Variants in PPP2R5E observed in about 807,000 individuals in gnomAD.
The protein encoded by PPP2R5E is protein phosphatase 2 regulatory subunit B'epsilon.
PPP2R5E carries 4 observed loss-of-function variants against 65.3 expected under a neutral mutation model. That is an observed-to-expected ratio of 0.06 (90% confidence interval 0.03 to 0.14). The LOEUF (loss-of-function observed/expected upper bound fraction) is 0.14, where lower values mean the gene tolerates loss of function less well. Among genes scored for constraint, PPP2R5E ranks in the 10% least tolerant of loss-of-function variants. The probability of loss-of-function intolerance (pLI) is 1.00; values close to 1 mark genes in which losing one functional copy is unlikely to be tolerated. For missense variants in PPP2R5E, 274 were observed against 556.1 expected, an observed-to-expected ratio of 0.49 and a Z score of 5.10; for synonymous variants, 183 against 187.4, an observed-to-expected ratio of 0.98 and a Z score of 0.19.
chr14:63,530,219 T>A (rs58500036), intron 2 of PPP2R5E, among the ~76,000 whole-genome samples: 10,169 of 146,546 alleles, frequency 0.069, 992 homozygotes, highest in African/African-American at 0.23. Flanking sequence ...AGTTAAGAAA[T>A]TTTTCCGTTT....
chr14:63,485,816 A>G (rs946566247), intron 2 of PPP2R5E, among the ~76,000 whole-genome samples: 2 of 148,696 alleles, frequency 1.3e-5, no homozygotes, highest in Non-Finnish European at 3.0e-5. Context: ...TTGTACATAT[A>G]CTGACAAACT....
chr14:63,413,192 T>C (rs1465175728), intron 5 of PPP2R5E, among the ~76,000 whole-genome samples: 3 of 152,242 alleles, frequency 2.0e-5, no homozygotes, highest in Admixed American at 6.5e-5. Context: ...TCTTCAGTAC[T>C]GTCTACCATG....
intron 5 of PPP2R5E, among the ~76,000 whole-genome samples, chr14:63,407,213 A>C (rs1163355679): frequency 6.6e-6 from 1 of 152,232 alleles, no homozygotes; most frequent in East Asian, 1.9e-4. Flanking sequence ...AATACAAAAA[A>C]AATGGCAGAG....
At chr14:63,377,753 T>G (rs1884073641) in intron 13 of PPP2R5E, among the ~76,000 whole-genome samples, 1 of 152,242 alleles carries the variant, frequency 6.6e-6, no homozygotes, top group African/African-American at 2.4e-5. Flanking sequence ...GTAAGCAGAC[T>G]AGTTTTCATA....
In PPP2R5E at chr14:63,391,852, T is replaced by A; in HGVS notation, c.919A>T (p.Met307Leu). Residue 307 changes from methionine (M) to leucine (L), a missense_variant, in exon 10 of 14, where the codon ATG (methionine) becomes TTG (leucine). Physicochemically the swap from Met to Leu is conservative, Grantham distance 15 (BLOSUM62 2). This residue lies in a region of PPP2R5E where 129 missense variants were observed against 254.9 expected (regional missense o/e 0.51). Coordinates refer to ENST00000337537, the MANE Select transcript of PPP2R5E (RefSeq NM_006246.5). ...CTACATGTTTTAGGCCAAAATTTCA[T>A]TAACCCCCTAATAACCTAAAATGAA... ...SLTEPVIRGLMKFWPKTCSQK... is the reference protein window; with the variant it reads ...SLTEPVIRGLLKFWPKTCSQK... 1 of 1,613,616 alleles carries A rather than the reference T, an allele frequency of 6.2e-7. No individual in the cohort carries two copies. Among genetic ancestry groups the A allele is most frequent in the Non-Finnish European group, 8.5e-7 (1 of 1,179,558 alleles).
intron 10 of PPP2R5E, among the ~76,000 whole-genome samples, chr14:63,390,654 T>G (rs749601789): frequency 7.2e-5 from 11 of 152,210 alleles, no homozygotes; most frequent in Non-Finnish European, 1.6e-4. Context: ...GAAATTAAAA[T>G]AGAGTTTGGA....
intron 3 of PPP2R5E, among the ~76,000 whole-genome samples, chr14:63,422,351 T>C (rs773393241): frequency 2.6e-5 from 4 of 152,180 alleles, no homozygotes; most frequent in African/African-American, 9.7e-5. Context: ...TAGGTCCCCA[T>C]GATTTCATAC....
chr14:63,485,825 CTTTTTT>C (rs770156529), intron 2 of PPP2R5E, among the ~76,000 whole-genome samples: 5 of 130,638 alleles, frequency 3.8e-5, no homozygotes, highest in Admixed American at 7.9e-5. Context: ...TACTGACAAA[CTTTTTT>C]TTTTTTTTTT....
intron 2 of PPP2R5E, among the ~76,000 whole-genome samples, chr14:63,518,388 T>A (rs530707217): frequency 6.6e-6 from 1 of 151,740 alleles, no homozygotes; most frequent in African/African-American, 2.4e-5. Context: ...ACTACAGGTA[T>A]ACATCACCAT....
At chr14:63,484,531 CAAAAGCAAA>C in intron 2 of PPP2R5E, among the ~76,000 whole-genome samples, 1 of 151,794 alleles carries the variant, frequency 6.6e-6, no homozygotes, top group Non-Finnish European at 1.5e-5. Context: ...CACAAATATT[CAAAAGCAAA>C]AAAAGCAACT....
intron 2 of PPP2R5E, among the ~76,000 whole-genome samples, chr14:63,518,002 C>T (rs539011833): frequency 6.6e-6 from 1 of 152,242 alleles, no homozygotes; most frequent in Non-Finnish European, 1.5e-5. Context: ...CACATAAAAA[C>T]TTAAGATTGT....
intron 2 of PPP2R5E, among the ~76,000 whole-genome samples, chr14:63,528,731 G>A (rs1311465541): frequency 6.6e-6 from 1 of 151,598 alleles, no homozygotes; most frequent in African/African-American, 2.4e-5. Context: ...AAAATAAACT[G>A]TTTAAATATT....
chr14:63,507,470 T>A (rs1265007031), intron 2 of PPP2R5E, among the ~76,000 whole-genome samples: 1 of 151,872 alleles, frequency 6.6e-6, no homozygotes, highest in Non-Finnish European at 1.5e-5. Flanking sequence ...ATACCAGCGT[T>A]TAGAACGAAA....
chr14:63,420,395 G>A (rs17225133), intron 4 of PPP2R5E, among the ~76,000 whole-genome samples: 1,822 of 152,042 alleles, frequency 0.012, 54 homozygotes, highest in East Asian at 0.096. Context: ...CCTATGAAAA[G>A]CACAAATAGT....
chr14:63,488,710 G>A (rs575241350), intron 2 of PPP2R5E, among the ~76,000 whole-genome samples: 2 of 151,634 alleles, frequency 1.3e-5, no homozygotes, highest in East Asian at 1.9e-4. Flanking sequence ...TTAGCCTGGC[G>A]TGGTGGCGCA....
chr14:63,504,086 A>G (rs1892041604), intron 2 of PPP2R5E, among the ~76,000 whole-genome samples: 1 of 152,152 alleles, frequency 6.6e-6, no homozygotes, highest in African/African-American at 2.4e-5. Flanking sequence ...ACTACTTCCA[A>G]ATTTTTCTTC....
intron 5 of PPP2R5E, among the ~76,000 whole-genome samples, chr14:63,397,497 G>T (rs1427182637): frequency 9.2e-6 from 1 of 108,498 alleles, no homozygotes; most frequent in Non-Finnish European, 1.7e-5. Flanking sequence ...GCAAGATTCG[G>T]TCTTTAAAAA....
chr14:63,424,798 G>C (rs1370306462), intron 3 of PPP2R5E, among the ~76,000 whole-genome samples: 4 of 151,434 alleles, frequency 2.6e-5, no homozygotes, highest in South Asian at 2.1e-4. Context: ...CCAGTATTTA[G>C]AAATTGGGTA....
At chr14:63,412,898 C>T (rs918667803) in intron 5 of PPP2R5E, among the ~76,000 whole-genome samples, 1 of 152,116 alleles carries the variant, frequency 6.6e-6, no homozygotes, top group African/African-American at 2.4e-5. Flanking sequence ...AAAGGGTGAA[C>T]ACAAAAGCTG....
Sources: allele counts gnomAD v4.1 joint callset (sites outside exome capture counted in the v4.1 genomes callset), GRCh38; gene constraint gnomAD v4.1.1; regional missense constraint gnomAD v4.1.1; transcripts MANE v1.5; gene names NCBI Gene and HGNC (gene_info 2026-07-23, HGNC 2026-07-21).